MAP7D2: variants seen among roughly 807,000 people sequenced by gnomAD.
MAP7D2 encodes the protein MAP7 domain containing 2.
Under a neutral mutation model 63.5 loss-of-function variants are expected in MAP7D2, and 33 were observed. The observed-to-expected ratio is 0.52, with a 90% CI of 0.39 to 0.70. The LOEUF (loss-of-function observed/expected upper bound fraction) is 0.70, where lower values mean the gene tolerates loss of function less well. Ranked by LOEUF, MAP7D2 falls within the 30% of genes least tolerant of loss-of-function variation. MAP7D2 has a pLI of 0.00. For missense variants in MAP7D2, 626 were observed against 604.0 expected (o/e 1.04, Z -0.38); for synonymous variants, 224 against 223.7 (o/e 1.00, Z -0.01).
At chrX:20,100,020 T>C (rs1449504805) in intron 1 of MAP7D2, among the ~76,000 whole-genome samples, 1 of 111,573 alleles carries the variant, frequency 9.0e-6, no homozygotes, top group African/African-American at 3.3e-5. Flanking sequence ...TGAGCAGAGT[T>C]GAGACTGGAA....
chrX:20,025,546 A>G (rs776253146), intron 9 of MAP7D2, 135 bp downstream of exon 9: 28 of 817,273 alleles, frequency 3.4e-5, no homozygotes, highest in Admixed American at 2.0e-4. Flanking sequence ...TGCAAACCCA[A>G]GAAAGCTGCA....
At chrX:20,067,357 T>C (rs2065386382) in intron 1 of MAP7D2, among the ~76,000 whole-genome samples, 1 of 112,397 alleles carries the variant, frequency 8.9e-6, no homozygotes. Context: ...TGCATGATTT[T>C]AGGCTGCCCT....
chrX:20,075,529 G>C (rs1167251111), intron 1 of MAP7D2, among the ~76,000 whole-genome samples: 1 of 110,975 alleles, frequency 9.0e-6, no homozygotes, highest in Non-Finnish European at 1.9e-5. Context: ...TCTGGGGAGA[G>C]TTCTGACTAG....
intron 16 of MAP7D2, among the ~76,000 whole-genome samples, chrX:20,009,663 C>CAA (rs35018861): frequency 8.4e-3 from 147 of 17,545 alleles, no homozygotes; most frequent in Non-Finnish European, 9.2e-3. Flanking sequence ...GATTCCATCT[C>CAA]AAAAAAAAAA....
chrX:20,090,009 G>A (rs2066023148), intron 1 of MAP7D2, among the ~76,000 whole-genome samples: 1 of 111,155 alleles, frequency 9.0e-6, no homozygotes, highest in African/African-American at 3.3e-5. Context: ...ATTCCCTTTT[G>A]CCTCTTTACA....
intron 13 of MAP7D2, 58 bp from the exon 14 acceptor site, chrX:20,013,190 A>G: frequency 7.5e-6 from 7 of 936,019 alleles, no homozygotes; most frequent in Non-Finnish European, 1.1e-5. Context: ...ACAGAAAAAA[A>G]GTACTTTTTA....
rs916017718 is a variant in MAP7D2, at chrX:20,010,965, T to C, written c.2160A>G (p.Gly720=). ...MIPGVSLDQN[G]TGNARALQDL... ...CTTGAAGTGCTCGGGCATTACCAGT[T>C]CCATTTTGGTCCAGAGACACCCCAG... is the stretch of plus-strand genomic sequence containing the variant. The change falls in exon 16 of 17, where the codon GGA becomes GGG. Residue 720 remains glycine (G), a synonymous_variant. Transcript: ENST00000379643. 1 of 1,210,834 alleles carries C rather than the reference T, an allele frequency of 8.3e-7. No homozygotes were observed. The highest frequency in any genetic ancestry group is 1.1e-6 in the Non-Finnish European group (1 of 895,087).
At position 20,044,593 on chromosome X, in the gene MAP7D2, G is replaced by A. The variant is rs1045196014; in HGVS notation, c.719-69C>T. The A allele has an allele frequency of 5.2e-6, 5 of 970,367 alleles. No homozygotes were observed. In the African/African-American group the frequency reaches 9.6e-5, roughly 19 times the overall value. 80.0% of individuals were successfully genotyped at this position (970,367 alleles called of 1,213,427 possible). Reference sequence around the variant, plus strand: ...ATGGAAAAAGTAGAGCAGAGAGTTGGGAAGAACACATTTCTGTTAAAATAT... The same window carrying A: ...ATGGAAAAAGTAGAGCAGAGAGTTGAGAAGAACACATTTCTGTTAAAATAT... On this transcript the variant is annotated intron_variant, in intron 6 of 16. Coordinates refer to ENST00000379643, the MANE Select transcript of MAP7D2 (RefSeq NM_001168465.2).
chrX:20,090,873 G>A (rs906189775), intron 1 of MAP7D2, among the ~76,000 whole-genome samples: 4 of 110,959 alleles, frequency 3.6e-5, no homozygotes, highest in African/African-American at 1.3e-4. Context: ...TCAGAAGGCT[G>A]AGGTGGGACT....
chrX:20,027,961 C>T (rs936647981), intron 8 of MAP7D2, among the ~76,000 whole-genome samples: 1 of 110,235 alleles, frequency 9.1e-6, no homozygotes, highest in Non-Finnish European at 1.9e-5. Flanking sequence ...CGATTCAGCA[C>T]GTTGAGTCCT....
At chrX:20,072,609 G>C (rs2065533198) in intron 1 of MAP7D2, among the ~76,000 whole-genome samples, 1 of 111,428 alleles carries the variant, frequency 9.0e-6, no homozygotes, top group Non-Finnish European at 1.9e-5. Context: ...CCAGGGGATT[G>C]GAGGATCCCA....
chrX:20,016,433 CAT>C, intron 10 of MAP7D2, 108 bp from the exon 11 acceptor site: 1 of 637,891 alleles, frequency 1.6e-6, no homozygotes, highest in Middle Eastern at 3.6e-4. Context: ...AACACACACA[CAT>C]ACCTTTCAAC....
At chrX:20,061,118 C>CAAA (rs780468494) in intron 3 of MAP7D2, among the ~76,000 whole-genome samples, 7 of 34,865 alleles carry the variant, frequency 2.0e-4, no homozygotes, top group Non-Finnish European at 2.6e-4. Context: ...AGAACATGAC[C>CAAA]AAAAAAAAAA....
chrX:20,096,026 A>C (rs1330181146), intron 1 of MAP7D2, among the ~76,000 whole-genome samples: 1 of 101,721 alleles, frequency 9.8e-6, no homozygotes, highest in Non-Finnish European at 2.0e-5. Flanking sequence ...AGGTTGCTGT[A>C]AGCCAAGATT....
chrX:20,088,468 G>GTT lies in MAP7D2; in HGVS notation c.131-23665_131-23664dup, dbSNP rs779366726. ...CCCCACCACACCCAGCTAATTTTCA[G>GTT]TTTTTTTTTTTTTTTTTTTTTTTTT... On this transcript the variant is annotated intron_variant, in intron 1 of 16. Transcript: ENST00000379643. Among the ~76,000 whole-genome samples, 61 of 41,067 alleles carry GTT rather than the reference G, an allele frequency of 1.5e-3. 14 individuals carry two copies. The highest frequency in any genetic ancestry group is 2.5e-3 in the Non-Finnish European group (46 of 18,423). The allele number at this position is 41,067 out of a possible 115,157, so 35.7% of individuals were successfully genotyped here. A position where few individuals can be genotyped will look rare whatever the true frequency, so the allele number is the denominator to read the frequency against.
intron 1 of MAP7D2, among the ~76,000 whole-genome samples, chrX:20,069,230 T>C (rs1056528682): frequency 9.0e-6 from 1 of 111,593 alleles, no homozygotes; most frequent in Non-Finnish European, 1.9e-5. Flanking sequence ...TGAGACAGGA[T>C]ATCACTCTGT....
rs184889619 is a variant in MAP7D2, at chrX:20,058,828, T to C, written c.373-2037A>G. Reference sequence around the variant, plus strand: ...AAGTCAGAATGGGGTGATTCATACATATAGAAAACAAAACTTGTCCAGTGC... The same window carrying C: ...AAGTCAGAATGGGGTGATTCATACACATAGAAAACAAAACTTGTCCAGTGC... On this transcript the variant is annotated intron_variant, in intron 3 of 16. Coordinates refer to ENST00000379643, the MANE Select transcript of MAP7D2 (RefSeq NM_001168465.2). 1.4e-4 allele frequency among the ~76,000 whole-genome samples: 16 copies of C among 112,447 alleles called. No individual in the cohort carries two copies. The East Asian group carries it at 3.9e-3, about 27-fold the overall frequency.
At chrX:20,041,666 T>G (rs1274206543) in intron 8 of MAP7D2, among the ~76,000 whole-genome samples, 1 of 112,391 alleles carries the variant, frequency 8.9e-6, no homozygotes, top group African/African-American at 3.2e-5. Context: ...CTTTCCTATA[T>G]TCCCAAATTA....
chrX:20,047,476 C>G (rs916412829), intron 6 of MAP7D2, among the ~76,000 whole-genome samples: 2 of 110,784 alleles, frequency 1.8e-5, no homozygotes, highest in African/African-American at 6.6e-5. Flanking sequence ...TAAAAAGATT[C>G]ATACAGCAAC....
Sources: gnomAD v4.1 joint callset for allele counts (sites outside exome capture counted in the v4.1 genomes callset) on GRCh38, gnomAD v4.1.1 for gene constraint, MANE v1.5 for transcripts, NCBI Gene and HGNC (gene_info 2026-07-23, HGNC 2026-07-21) for gene names.